CACNA2D1: variants seen among roughly 807,000 people sequenced by gnomAD.
CACNA2D1 encodes voltage-dependent calcium channel subunit alpha-2/delta-1.
In CACNA2D1, 53 loss-of-function variants were observed where a neutral mutation model predicts 171.5. The observed-to-expected ratio is 0.31, with a 90% CI of 0.25 to 0.39. The LOEUF (loss-of-function observed/expected upper bound fraction) is 0.39, where lower values mean the gene tolerates loss of function less well. Among genes scored for constraint, CACNA2D1 ranks in the 10% least tolerant of loss-of-function variants. The pLI, the probability that CACNA2D1 is intolerant of heterozygous loss-of-function variation, is 1.00. For synonymous variants in CACNA2D1, 442 were observed against 443.1 expected, an observed-to-expected ratio of 1.00 and a Z score of 0.03; for missense variants, 903 against 1,299.8, an observed-to-expected ratio of 0.69 and a Z score of 4.69.
chr7:82,039,453 T>C (rs1027443771), intron 10 of CACNA2D1, among the ~76,000 whole-genome samples: 2 of 152,202 alleles, frequency 1.3e-5, no homozygotes, highest in Non-Finnish European at 2.9e-5. Context: ...GTGTCTACTA[T>C]GTGCTGCATT....
intron 6 of CACNA2D1, among the ~76,000 whole-genome samples, chr7:82,115,187 G>A (rs1248741907): frequency 6.6e-6 from 1 of 152,038 alleles, no homozygotes; most frequent in Non-Finnish European, 1.5e-5. Flanking sequence ...CTTCCAATTG[G>A]AATTCAATAG....
intron 3 of CACNA2D1, among the ~76,000 whole-genome samples, chr7:82,184,008 C>T (rs915416354): frequency 2.9e-4 from 44 of 151,288 alleles, no homozygotes; most frequent in African/African-American, 1.0e-3. Flanking sequence ...TATTAATTTC[C>T]TTTTACCTTT....
At chr7:82,299,190 C>T (rs1339828820) in intron 3 of CACNA2D1, among the ~76,000 whole-genome samples, 1 of 151,520 alleles carries the variant, frequency 6.6e-6, no homozygotes. Context: ...ATACTATGTA[C>T]AAAATGAAAG....
chr7:82,036,915 C>T (rs1803345686), intron 11 of CACNA2D1, among the ~76,000 whole-genome samples: 1 of 152,078 alleles, frequency 6.6e-6, no homozygotes, highest in South Asian at 2.1e-4. Context: ...GACTCCAATA[C>T]CACCCAGCAA....
chr7:82,284,007 T>C (rs1032603700), intron 3 of CACNA2D1, among the ~76,000 whole-genome samples: 1 of 151,618 alleles, frequency 6.6e-6, no homozygotes, highest in Non-Finnish European at 1.5e-5. Flanking sequence ...AAGTTAGAGA[T>C]GGTCTGTTTA....
intron 5 of CACNA2D1, among the ~76,000 whole-genome samples, chr7:82,117,851 C>A (rs539731566): frequency 5.3e-5 from 8 of 152,070 alleles, no homozygotes; most frequent in South Asian, 4.2e-4. Flanking sequence ...TTAAATACAA[C>A]CTAACTAATA....
chr7:82,143,342 A>C (rs115333470), intron 4 of CACNA2D1, among the ~76,000 whole-genome samples: 1 of 152,174 alleles, frequency 6.6e-6, no homozygotes, highest in East Asian at 1.9e-4. Context: ...CATGGCACAC[A>C]ATATATGCCC....
In CACNA2D1 at chr7:82,332,802, C is replaced by T. The variant is rs190070876; in HGVS notation, c.294+2333G>A. On this transcript the variant is annotated intron_variant, in intron 3 of 38. Transcript: ENST00000356860. ...ATCACTTGAGCCCAGTAGTTAAAGG[C>T]TTGCCTGGGCAACATAGGGAGACCT... Among the ~76,000 whole-genome samples, 461 of 152,264 alleles carry T rather than the reference C, an allele frequency of 3.0e-3. 1 individual carries two copies. The highest frequency in any genetic ancestry group is 0.024 in the Middle Eastern group (7 of 294).
At chr7:82,006,192 T>C (rs929905674) in intron 16 of CACNA2D1, among the ~76,000 whole-genome samples, 3 of 152,048 alleles carry the variant, frequency 2.0e-5, no homozygotes, top group African/African-American at 4.8e-5. Context: ...TGAGTTTAGA[T>C]TGACTTTATG....
At chr7:82,082,455 G>A (rs1254156335) in intron 7 of CACNA2D1, among the ~76,000 whole-genome samples, 1 of 152,024 alleles carries the variant, frequency 6.6e-6, no homozygotes, top group African/African-American at 2.4e-5. Flanking sequence ...AGAACGGGGA[G>A]TTCATGTTGA....
chr7:82,045,267 A>G (rs1288825823), intron 10 of CACNA2D1, among the ~76,000 whole-genome samples: 1 of 152,140 alleles, frequency 6.6e-6, no homozygotes, highest in Non-Finnish European at 1.5e-5. Flanking sequence ...AAATATTTCA[A>G]TATTTTAACT....
chr7:82,221,774 CAAA>C (rs34604173), intron 3 of CACNA2D1, among the ~76,000 whole-genome samples: 1 of 125,384 alleles, frequency 8.0e-6, no homozygotes, highest in Non-Finnish European at 1.7e-5. Context: ...TCACTGTTAC[CAAA>C]AAAAAAAAAA....
At chr7:82,335,019 A>G in intron 3 of CACNA2D1, 116 bp downstream of exon 3, 1 of 763,014 alleles carries the variant, frequency 1.3e-6, no homozygotes, top group Non-Finnish European at 2.4e-6. Context: ...AACATATCAG[A>G]TGAACACAGT....
chr7:82,297,096 A>AAAAAAAT (rs1377126136), intron 3 of CACNA2D1, among the ~76,000 whole-genome samples: 8 of 133,142 alleles, frequency 6.0e-5, no homozygotes, highest in African/African-American at 2.3e-4. Flanking sequence ...AAAAAAAAAA[A>AAAAAAAT]ATTAGCCAGG....
intron 3 of CACNA2D1, among the ~76,000 whole-genome samples, chr7:82,236,979 C>T (rs1306244080): frequency 6.6e-6 from 1 of 151,920 alleles, no homozygotes; most frequent in East Asian, 1.9e-4. Flanking sequence ...ATTTACATTT[C>T]TAACTCAGTA....
intron 3 of CACNA2D1, among the ~76,000 whole-genome samples, chr7:82,283,671 T>TC (rs1379190267): frequency 1.0e-5 from 1 of 98,196 alleles, no homozygotes; most frequent in Non-Finnish European, 2.6e-5. Context: ...AGAATCTCTA[T>TC]TTTTTTTAGT....
intron 6 of CACNA2D1, among the ~76,000 whole-genome samples, chr7:82,092,168 T>C (rs978502698): frequency 6.6e-6 from 1 of 152,220 alleles, no homozygotes; most frequent in African/African-American, 2.4e-5. Context: ...TGTAAATCTG[T>C]TTATGTTGTG....
intron 4 of CACNA2D1, among the ~76,000 whole-genome samples, chr7:82,145,798 T>A (rs1327043978): frequency 6.8e-6 from 1 of 146,698 alleles, no homozygotes; most frequent in Non-Finnish European, 1.5e-5. Flanking sequence ...TGAGACACAT[T>A]CATTCACTTT....
At chr7:82,291,508 A>C (rs1244868051) in intron 3 of CACNA2D1, among the ~76,000 whole-genome samples, 1 of 137,680 alleles carries the variant, frequency 7.3e-6, no homozygotes, top group African/African-American at 2.7e-5. Context: ...ATATATAGAT[A>C]GATCTATATA....
Sources: gnomAD v4.1 joint callset for allele counts (sites outside exome capture counted in the v4.1 genomes callset) on GRCh38, gnomAD v4.1.1 for gene constraint, MANE v1.5 for transcripts, NCBI Gene and HGNC (gene_info 2026-07-23, HGNC 2026-07-21) for gene names.